The following DST variants were observed in gnomAD, a reference collection of about 807,000 sequenced individuals.
DST encodes the protein bullous pemphigoid antigen.
Under a neutral mutation model 875.2 loss-of-function variants are expected in DST, and 253 were observed. That is an observed-to-expected ratio of 0.29 (90% CI 0.26 to 0.32). DST has a LOEUF of 0.32. DST is among the 10% of genes least tolerant of loss of function. DST has a pLI of 1.00. For missense variants in DST, 8,287 were observed against 9,111.6 expected, an observed-to-expected ratio of 0.91 and a Z score of 3.68; for synonymous variants, 3,124 against 3,197.1, an observed-to-expected ratio of 0.98 and a Z score of 0.77.
intron 22 of DST, 88 bp from the exon 23 acceptor site, chr6:56,636,740 C>CT (rs1383436952): frequency 7.5e-6 from 8 of 1,065,330 alleles, no homozygotes; most frequent in Non-Finnish European, 1.0e-5. Context: ...AATGCTAACT[C>CT]TACTATCTAA....
At chr6:56,483,014 C>A in intron 88 of DST, 137 bp from the exon 89 acceptor site, 1 of 553,448 alleles carries the variant, frequency 1.8e-6, no homozygotes, top group Non-Finnish European at 2.8e-6. Flanking sequence ...ATATTTCTGG[C>A]AGCATCTTCA....
At chr6:56,876,039 A>G (rs1181102431) in intron 3 of DST, among the ~76,000 whole-genome samples, 1 of 151,572 alleles carries the variant, frequency 6.6e-6, no homozygotes, top group Non-Finnish European at 1.5e-5. Flanking sequence ...TGCTCTCTAT[A>G]CCTCTGCACC....
chr6:56,608,818 C>A lies in DST; in HGVS notation c.5810G>T (p.Arg1937Ile), dbSNP rs1453861665. The A allele has an allele frequency of 8.7e-6, 14 of 1,611,568 alleles. No individual in the cohort carries two copies. The highest frequency in any genetic ancestry group is 1.7e-5 in the Admixed American group (1 of 59,566). Residue 1937 changes from arginine (R) to isoleucine (I), a missense_variant, in exon 40 of 104, where the codon AGA becomes ATA. Physicochemically the swap from Arg to Ile is moderately conservative, Grantham distance 97 (BLOSUM62 -3). Around this residue, in one of 10 missense-constraint regions of DST, gnomAD observed 3,138 missense variants for 3,116.6 expected, o/e 1.01. Transcript: ENST00000680361. The part of the protein sequence containing the change: ...EKVSLIDMVQ[R>I]STLQENTGMW... ...CCCTGTGTTTTCCTGTAAAGTACTT[C>A]TTTGTACCATATCTATTAAAGAAAC...
intron 69 of DST, 76 bp downstream of exon 69, chr6:56,526,285 C>T: frequency 7.1e-7 from 1 of 1,409,294 alleles, no homozygotes; most frequent in Non-Finnish European, 9.8e-7. Context: ...TATTAACAGT[C>T]ATCTTTGTTC....
At chr6:56,892,234 T>C (rs1787925022) in intron 3 of DST, among the ~76,000 whole-genome samples, 1 of 152,018 alleles carries the variant, frequency 6.6e-6, no homozygotes, top group Non-Finnish European at 1.5e-5. Flanking sequence ...ATTTCTCTCA[T>C]ATAAATCCCC....
chr6:56,500,963 G>A (rs2096099340), intron 80 of DST, 117 bp downstream of exon 80: 1 of 941,058 alleles, frequency 1.1e-6, no homozygotes, highest in African/African-American at 1.7e-5. Flanking sequence ...TGTCAAATAT[G>A]AACTTGTGTC....
chr6:56,527,629 A>T lies in DST; in HGVS notation c.17786T>A (p.Leu5929Gln). 1 of 1,613,838 alleles carries T rather than the reference A, an allele frequency of 6.2e-7. No individual in the cohort carries two copies. Among genetic ancestry groups the T allele is most frequent in the South Asian group, 1.1e-5 (1 of 91,080 alleles). ...GGAGTGCAGCCGCCTTGCAAGCTGC[A>T]GCGCCTGTTCCAGAGTCTTGGCCAC... ...TDVAKTLEQA[L>Q]QLARRLHSTH... The change falls in exon 68 of 104, where the codon CTG becomes CAG. Residue 5929 changes from leucine to glutamine, a missense_variant. Around this residue, in one of 10 missense-constraint regions of DST, gnomAD observed 777 missense variants for 764.8 expected, o/e 1.02. Transcript: ENST00000680361.
chr6:56,884,130 C>CA (rs879402274), intron 3 of DST, among the ~76,000 whole-genome samples: 5,932 of 142,608 alleles, frequency 0.042, 352 homozygotes, highest in African/African-American at 0.14. Flanking sequence ...GAACTTATCT[C>CA]AAAAAAAAAA....
At chr6:56,631,467 C>A in intron 29 of DST, 78 bp from the exon 30 acceptor site, 1 of 1,118,044 alleles carries the variant, frequency 8.9e-7, no homozygotes, top group Non-Finnish European at 1.3e-6. Flanking sequence ...TTGAAAAACA[C>A]ACATTTCACA....
In DST at chr6:56,654,586, C is replaced by CTATATATATATATA. The variant is rs138507484; in HGVS notation, c.1215-3356_1215-3343dup. On this transcript the variant is annotated intron_variant, in intron 10 of 103. Transcript: ENST00000680361. ...TCTTAAAAGAGCAATCTCCCCTAGG[C>CTATATATATATATA]TATATATATATATATATATCTCCAC... Among the ~76,000 whole-genome samples the CTATATATATATATA allele has an allele frequency of 5.8e-4, 77 of 133,310 alleles. No individual in the cohort carries two copies. The South Asian group carries it at 6.1e-3, about 11-fold the overall frequency. The allele number at this position is 133,310 out of a possible 152,430, so 87.5% of individuals were successfully genotyped here.
intron 10 of DST, among the ~76,000 whole-genome samples, chr6:56,657,615 C>T (rs187921511): frequency 9.6e-4 from 146 of 152,244 alleles, no homozygotes; most frequent in East Asian, 5.6e-3. Context: ...CACGGGTACA[C>T]AGCTTCAGTT....
In DST at chr6:56,606,499, GGATTTAAATGTATTTTTT is replaced by G. The variant is rs775577599; in HGVS notation, c.8111_8128del (p.Glu2704_Pro2710delinsAla). ...TCCATTCACCTTATCTGAGCCAACA[GGATTTAAATGTATTTTTT>G]CACCAGAATCTAATTCATCTTTCTC... On this transcript the variant is annotated inframe_deletion, in exon 40 of 104. Coordinates refer to ENST00000680361, the MANE Select transcript of DST (RefSeq NM_001374736.1). The G allele has an allele frequency of 3.7e-6, 6 of 1,613,122 alleles. No individual in the cohort carries two copies. Among genetic ancestry groups the G allele is most frequent in the Admixed American group, 1.7e-5 (1 of 59,844 alleles).
intron 27 of DST, among the ~76,000 whole-genome samples, 157 bp from the exon 28 acceptor site, chr6:56,633,194 G>GTTT (rs371284798): frequency 0.011 from 1,699 of 149,594 alleles, 34 homozygotes; most frequent in African/African-American, 0.041. Context: ...AATTTTAGGT[G>GTTT]GTTTTTTTTT....
chr6:56,478,028 A>G (rs900306198), intron 90 of DST, among the ~76,000 whole-genome samples: 1 of 151,160 alleles, frequency 6.6e-6, no homozygotes, highest in African/African-American at 2.4e-5. Flanking sequence ...ACTTTATAGG[A>G]TATTTCATGC....
At chr6:56,891,827 A>C (rs1787691718) in intron 3 of DST, among the ~76,000 whole-genome samples, 1 of 152,204 alleles carries the variant, frequency 6.6e-6, no homozygotes, top group South Asian at 2.1e-4. Flanking sequence ...CCGTCTCAAA[A>C]AAAAACACTC....
intron 94 of DST, 43 bp from the exon 95 acceptor site, chr6:56,471,311 A>G: frequency 1.4e-6 from 2 of 1,429,598 alleles, no homozygotes; most frequent in Non-Finnish European, 1.9e-6. Flanking sequence ...ATGCTGTACT[A>G]AAATTGTAGA....
intron 4 of DST, among the ~76,000 whole-genome samples, chr6:56,740,426 A>G (rs1308914550): frequency 6.6e-6 from 1 of 152,234 alleles, no homozygotes; most frequent in African/African-American, 2.4e-5. Flanking sequence ...CAAGCACAAA[A>G]GAGAGAAGGA....
intron 4 of DST, among the ~76,000 whole-genome samples, chr6:56,791,787 C>CAAA (rs139051174): frequency 0.01 from 799 of 78,098 alleles, 11 homozygotes; most frequent in African/African-American, 0.033. Context: ...GACCCTGTCT[C>CAAA]AAAAAAAAAA....
intron 37 of DST, among the ~76,000 whole-genome samples, chr6:56,612,387 T>C (rs1444791900): frequency 1.3e-5 from 2 of 152,088 alleles, no homozygotes; most frequent in Non-Finnish European, 2.9e-5. Flanking sequence ...TTTTTAACTA[T>C]TGAAAAAAAG....
Sources: gnomAD v4.1 joint callset for allele counts (sites outside exome capture counted in the v4.1 genomes callset) on GRCh38, gnomAD v4.1.1 for gene constraint, gnomAD v4.1.1 regional missense constraint, MANE v1.5 for transcripts, NCBI Gene and HGNC (gene_info 2026-07-23, HGNC 2026-07-21) for gene names.